ACSF3: variants seen among roughly 807,000 people sequenced by gnomAD.
ACSF3 encodes acyl-CoA synthetase family member 3, also known as malonate--CoA ligase ACSF3, mitochondrial.
Under a neutral mutation model 53.2 loss-of-function variants are expected in ACSF3, and 78 were observed. That is an observed-to-expected ratio of 1.47 (90% CI 1.22 to 1.77). The LOEUF is 1.77. ACSF3 is among the 40% of genes most tolerant of loss of function. The pLI, the probability that ACSF3 is intolerant of heterozygous loss-of-function variation, is 0.00. For missense variants in ACSF3, 937 were observed against 771.1 expected (o/e 1.22, Z -2.55); for synonymous variants, 414 against 333.1 (o/e 1.24, Z -2.65).
At chr16:89,104,433 C>T (rs1975728377) in intron 4 of ACSF3, among the ~76,000 whole-genome samples, 3 of 152,192 alleles carry the variant, frequency 2.0e-5, no homozygotes, top group African/African-American at 7.2e-5. Context: ...CCACCAGTGG[C>T]CGGCCCCACA....
rs886864210 is a variant in ACSF3 at position 89,156,184 on chromosome 16, A to G, written c.*1977A>G. On this transcript the variant is annotated 3_prime_UTR_variant, in exon 11 of 11. Transcript: ENST00000614302. ...CCAGCCGAGAACAAGCCCGTCCTGG[A>G]GGGAACTCATCCTCTCCTCCCTCCC... is the stretch of plus-strand genomic sequence containing the variant. 6.6e-6 allele frequency among the ~76,000 whole-genome samples: 1 copy of G among 151,830 alleles called. No individual in the cohort carries two copies. Among genetic ancestry groups the G allele is most frequent in the South Asian group, 2.1e-4 (1 of 4,798 alleles).
Position 89,109,035 on chromosome 16 carries a change from C to G in ACSF3, c.823-3057C>G, listed in dbSNP as rs1459085624. Among the ~76,000 whole-genome samples, 4 of 152,022 alleles carry G rather than the reference C, an allele frequency of 2.6e-5. No individual in the cohort carries two copies. In the East Asian group the frequency reaches 5.8e-4, roughly 22 times the overall value. On this transcript the variant is annotated intron_variant, in intron 4 of 10. Coordinates refer to ENST00000614302, the MANE Select transcript of ACSF3 (RefSeq NM_001243279.3). ...ATCACTTGAGGTCAGGAGTTTGAGA[C>G]CAGCCTGACCAACAGGGTGAAACCC... is the stretch of plus-strand genomic sequence containing the variant.
chr16:89,118,166 C>T (rs1038004063), intron 6 of ACSF3, among the ~76,000 whole-genome samples: 13 of 70,192 alleles, frequency 1.9e-4, no homozygotes, highest in East Asian at 7.6e-4. Context: ...CAGAGCCTGA[C>T]GGCAGGTTCC....
intron 1 of ACSF3, among the ~76,000 whole-genome samples, chr16:89,094,324 C>T (rs933349914): frequency 1.3e-5 from 2 of 152,222 alleles, no homozygotes; most frequent in African/African-American, 4.8e-5. Flanking sequence ...GGAATAAATT[C>T]ACTTCCATTT....
chr16:89,136,542 C>T (rs1910509465), intron 8 of ACSF3: 1 of 1,269,400 alleles, frequency 7.9e-7, no homozygotes, highest in Non-Finnish European at 1.0e-6. Context: ...AACCCTTTCC[C>T]TGGCCAGCCC....
intron 8 of ACSF3, among the ~76,000 whole-genome samples, chr16:89,144,448 C>T (rs1443333484): frequency 6.6e-6 from 1 of 152,230 alleles, no homozygotes; most frequent in Admixed American, 6.5e-5. Context: ...CTGTCCTCCT[C>T]AGCCACCAGC....
At chr16:89,127,754 G>T (rs1908439358) in intron 7 of ACSF3, among the ~76,000 whole-genome samples, 1 of 152,152 alleles carries the variant, frequency 6.6e-6, no homozygotes, top group African/African-American at 2.4e-5. Context: ...CATCTTGGGT[G>T]ATTTTTGGTA....
chr16:89,100,637 C>A (rs763738880), intron 2 of ACSF3, 25 bp from the exon 3 acceptor site: 1 of 1,587,932 alleles, frequency 6.3e-7, no homozygotes, highest in South Asian at 1.1e-5. Flanking sequence ...TGGGCACTCA[C>A]GTCCTGTGCC....
At position 89,101,276 on chromosome 16, in the gene ACSF3, A is replaced by T. The variant is rs929495492; in HGVS notation, c.595A>T (p.Ile199Phe). 6.2e-7 allele frequency: 1 copy of T among 1,601,886 alleles called. No individual in the cohort carries two copies. ...GGGATGGAGGAACAAGGGCGCCATG[A>T]TCATCTACACCAGTGGGACCACGGG... ...EQGWRNKGAM[I>F]IYTSGTTGRP... The change falls in exon 3 of 11, where the codon ATC (isoleucine) becomes TTC (phenylalanine). Residue 199 changes from isoleucine (I) to phenylalanine (F), a missense_variant. Transcript: ENST00000614302.
chr16:89,141,872 C>T lies in ACSF3; in HGVS notation c.1367-3395C>T, dbSNP rs138382438. 3.8e-3 allele frequency among the ~76,000 whole-genome samples: 577 copies of T among 152,334 alleles called. 5 individuals are homozygous for T. The highest frequency in any genetic ancestry group is 0.013 in the African/African-American group (529 of 41,574). ...GCACTGAGGGTCCCCTCATGCCACG[C>T]ACAAGTTCTGGGCACAGAAGCACCT... On this transcript the variant is annotated intron_variant, in intron 8 of 10. Coordinates refer to ENST00000614302, the MANE Select transcript of ACSF3 (RefSeq NM_001243279.3).
chr16:89,117,866 G>T (rs1353344130), intron 6 of ACSF3, among the ~76,000 whole-genome samples: 1 of 136,452 alleles, frequency 7.3e-6, no homozygotes, highest in Non-Finnish European at 1.6e-5. Flanking sequence ...AAACCTGAGT[G>T]CACCAATCCC....
chr16:89,106,731 G>A (rs1373014938), intron 4 of ACSF3, among the ~76,000 whole-genome samples: 1 of 152,222 alleles, frequency 6.6e-6, no homozygotes, highest in Non-Finnish European at 1.5e-5. Flanking sequence ...TTGAACTTTG[G>A]GATTTTGTCT....
At chr16:89,112,291 T>C (rs1733633209) in intron 5 of ACSF3, 45 bp downstream of exon 5, 2 of 1,606,412 alleles carry the variant, frequency 1.2e-6, no homozygotes, top group African/African-American at 1.3e-5. Flanking sequence ...GTCTTAAAGA[T>C]CAACAGATAC....
chr16:89,112,386 G>A (rs984158791), intron 5 of ACSF3, 140 bp downstream of exon 5: 30 of 1,076,322 alleles, frequency 2.8e-5, no homozygotes, highest in South Asian at 1.5e-4. Flanking sequence ...CTCTCTACCC[G>A]TCTCCGTCTC....
In ACSF3 at chr16:89,101,105, C is replaced by T. The variant is rs142575695; in HGVS notation, c.424C>T (p.Gln142Ter). 23 of 1,614,106 alleles carry T rather than the reference C, an allele frequency of 1.4e-5. No individual in the cohort carries two copies. Among genetic ancestry groups the T allele is most frequent in the Non-Finnish European group, 1.9e-5 (23 of 1,180,030 alleles). The change falls in exon 3 of 11, where the codon CAG becomes TAG. Residue 142 changes from glutamine (Q) to a stop codon, truncating the protein, a stop_gained. Coordinates refer to ENST00000614302, the MANE Select transcript of ACSF3 (RefSeq NM_001243279.3). LOFTEE classifies it high-confidence loss of function. ...GCTGGAGTATGTCATCTGCGACTCC[C>T]AGAGCTCTGTGGTCCTTGCCAGCCA... is the stretch of plus-strand genomic sequence containing the variant. ...AQLEYVICDS[Q>*]SSVVLASQEY... is the part of the protein sequence containing the mutation.
chr16:89,137,483 A>G (rs71279375), intron 8 of ACSF3, among the ~76,000 whole-genome samples: 277 of 59,296 alleles, frequency 4.7e-3, no homozygotes, highest in East Asian at 0.012. Flanking sequence ...TCACGGGGAA[A>G]GATTGAGGGG....
intron 10 of ACSF3, chr16:89,149,667 G>C (rs1376835441): frequency 6.6e-6 from 1 of 152,296 alleles, no homozygotes; most frequent in Non-Finnish European, 1.5e-5. Flanking sequence ...TCTCAGCGGA[G>C]AGGGTATGCG....
intron 8 of ACSF3, among the ~76,000 whole-genome samples, chr16:89,142,692 CAG>C (rs1383008123): frequency 7.3e-5 from 11 of 150,450 alleles, no homozygotes; most frequent in African/African-American, 2.2e-4. Context: ...CCCTCACCTG[CAG>C]AGATACAGGC....
Position 89,155,216 on chromosome 16 carries a change from G to C in ACSF3, c.*1009G>C, listed in dbSNP as rs1914587977. 2.2e-6 allele frequency: 1 copy of C among 454,040 alleles called. No homozygotes were observed. Among genetic ancestry groups the C allele is most frequent in the African/African-American group, 2.0e-5 (1 of 50,014 alleles). 28.1% of individuals were successfully genotyped at this position (454,040 alleles called of 1,614,324 possible). On this transcript the variant is annotated 3_prime_UTR_variant, in exon 11 of 11. Coordinates refer to ENST00000614302, the MANE Select transcript of ACSF3 (RefSeq NM_001243279.3). ...AAGAATAGGCTGCCTCCTCCCCACA[G>C]CCTGGGGGAAGTAACAGTCATCGCC...
Sources: allele counts gnomAD v4.1 joint callset (sites outside exome capture counted in the v4.1 genomes callset), GRCh38; gene constraint gnomAD v4.1.1; transcripts MANE v1.5; gene names NCBI Gene and HGNC (gene_info 2026-07-23, HGNC 2026-07-21).